Variants in ZNF385D observed in about 807,000 individuals in gnomAD.
ZNF385D encodes zinc finger protein 385D, also known as zinc finger protein 659.
ZNF385D carries 15 observed loss-of-function variants against 35.8 expected under a neutral mutation model. The ratio of observed to expected loss-of-function variants is 0.42; its 90% CI spans 0.28 to 0.64. The LOEUF (loss-of-function observed/expected upper bound fraction) is 0.64, where lower values mean the gene tolerates loss of function less well. Ranked by LOEUF, ZNF385D falls within the 30% of genes least tolerant of loss-of-function variation. ZNF385D has a pLI of 0.23. For synonymous variants in ZNF385D, 212 were observed against 186.8 expected, an observed-to-expected ratio of 1.13 and a Z score of -1.10; for missense variants, 474 against 494.6, an observed-to-expected ratio of 0.96 and a Z score of 0.39.
intron 1 of ZNF385D, among the ~76,000 whole-genome samples, chr3:21,688,763 A>C (rs553400324): frequency 2.6e-5 from 4 of 152,324 alleles, no homozygotes; most frequent in African/African-American, 9.6e-5. Flanking sequence ...TAATTTTTAA[A>C]ATGACACAAA....
chr3:22,153,366 C>T (rs1032190922), intron 3 of ZNF385D, among the ~76,000 whole-genome samples: 8 of 152,036 alleles, frequency 5.3e-5, no homozygotes, highest in Non-Finnish European at 1.2e-4. Flanking sequence ...GTAACATCAT[C>T]AGGCAAACTC....
intron 3 of ZNF385D, among the ~76,000 whole-genome samples, chr3:21,836,342 CT>C (rs1188244730): frequency 2.0e-5 from 3 of 152,124 alleles, no homozygotes; most frequent in African/African-American, 7.2e-5. Flanking sequence ...CTCTCTTCCC[CT>C]CATCTCTTAC....
chr3:21,878,316 A>C (rs993991167), intron 3 of ZNF385D, among the ~76,000 whole-genome samples: 6 of 151,980 alleles, frequency 3.9e-5, no homozygotes, highest in Non-Finnish European at 2.9e-5. Flanking sequence ...ACTATGAGAT[A>C]TTGTCTCATG....
At chr3:21,612,772 C>T (rs1344026386) in intron 2 of ZNF385D, among the ~76,000 whole-genome samples, 1 of 152,086 alleles carries the variant, frequency 6.6e-6, no homozygotes, top group Admixed American at 6.6e-5. Context: ...ATAATCTAAA[C>T]CTCAATTTTT....
chr3:21,630,887 T>A (rs1227379500), intron 2 of ZNF385D, among the ~76,000 whole-genome samples: 1 of 151,910 alleles, frequency 6.6e-6, no homozygotes, highest in African/African-American at 2.4e-5. Context: ...AAAGAAGAGG[T>A]AGGGGGAATT....
chr3:22,076,787 T>A (rs1391196518), intron 3 of ZNF385D, among the ~76,000 whole-genome samples: 1 of 149,184 alleles, frequency 6.7e-6, no homozygotes. Flanking sequence ...ATATAGTGAC[T>A]TATTCTTGGA....
At chr3:22,047,066 G>C (rs1293881607) in intron 3 of ZNF385D, among the ~76,000 whole-genome samples, 1 of 152,044 alleles carries the variant, frequency 6.6e-6, no homozygotes, top group East Asian at 1.9e-4. Context: ...ACAAATAACA[G>C]TTCACCTGAT....
chr3:22,023,445 A>C (rs1419066209), intron 3 of ZNF385D, among the ~76,000 whole-genome samples: 1 of 152,162 alleles, frequency 6.6e-6, no homozygotes, highest in African/African-American at 2.4e-5. Context: ...AAAAAGGATC[A>C]CACTGAGAAA....
At chr3:21,809,035 C>T (rs1487368167) in intron 3 of ZNF385D, among the ~76,000 whole-genome samples, 1 of 152,056 alleles carries the variant, frequency 6.6e-6, no homozygotes, top group African/African-American at 2.4e-5. Context: ...AGTCTTATAA[C>T]ATAAAATATA....
intron 3 of ZNF385D, 104 bp from the exon 4 acceptor site, chr3:21,511,127 C>A (rs563490985): frequency 7.0e-6 from 10 of 1,419,222 alleles, no homozygotes; most frequent in Non-Finnish European, 6.7e-6. Flanking sequence ...AGGTACCATT[C>A]GAGCTAATTC....
At chr3:22,272,186 C>T (rs377068123) in intron 2 of ZNF385D, among the ~76,000 whole-genome samples, 8 of 152,024 alleles carry the variant, frequency 5.3e-5, no homozygotes, top group African/African-American at 1.9e-4. Context: ...AATAACGACG[C>T]CACGAGGGCT....
intron 3 of ZNF385D, among the ~76,000 whole-genome samples, chr3:21,803,871 T>G (rs140799938): frequency 2.0e-5 from 3 of 152,312 alleles, no homozygotes; most frequent in African/African-American, 4.8e-5. Flanking sequence ...ATGGGATAAT[T>G]AATCATTGCT....
chr3:21,443,690 T>A (rs904215043), intron 4 of ZNF385D, among the ~76,000 whole-genome samples: 1 of 152,196 alleles, frequency 6.6e-6, no homozygotes, highest in Non-Finnish European at 1.5e-5. Flanking sequence ...CATATACTTT[T>A]CATCAAGTGA....
chr3:22,134,845 G>A (rs141519716), intron 3 of ZNF385D, among the ~76,000 whole-genome samples: 1 of 152,180 alleles, frequency 6.6e-6, no homozygotes, highest in Non-Finnish European at 1.5e-5. Context: ...ACTTTTATAA[G>A]GTACCCACTC....
At chr3:22,045,215 T>G (rs776609255) in intron 3 of ZNF385D, among the ~76,000 whole-genome samples, 1 of 152,180 alleles carries the variant, frequency 6.6e-6, no homozygotes, top group African/African-American at 2.4e-5. Context: ...CTAGTAGTTT[T>G]ATAGATCCAG....
intron 3 of ZNF385D, among the ~76,000 whole-genome samples, chr3:21,540,383 C>T (rs867301995): frequency 5.3e-5 from 8 of 152,098 alleles, no homozygotes; most frequent in African/African-American, 1.7e-4. Context: ...CTTTTCCCCT[C>T]GGGGGATGAT....
Position 21,798,895 on chromosome 3 carries a change from A to G in ZNF385D, c.326-133867T>C, listed in dbSNP as rs143589056. ...ACAATGTTGTGCAATAATAACGTCT[A>G]TATAGTTAAAAAATATTTTCATCCT... On this transcript the variant is annotated intron_variant, in intron 3 of 5. Coordinates refer to the ZNF385D transcript ENST00000494108. 1.6e-3 allele frequency among the ~76,000 whole-genome samples: 242 copies of G among 152,314 alleles called. 1 individual carries two copies. The highest frequency in any genetic ancestry group is 5.5e-3 in the African/African-American group (228 of 41,580).
At chr3:22,025,746 T>G (rs1326841669) in intron 3 of ZNF385D, among the ~76,000 whole-genome samples, 1 of 151,922 alleles carries the variant, frequency 6.6e-6, no homozygotes, top group African/African-American at 2.4e-5. Context: ...GATGGTGGAG[T>G]GGGTTAATCG....
rs1034430731 is a variant in ZNF385D, at chr3:21,646,121, A to G, written c.165+18765T>C. On this transcript the variant is annotated intron_variant, in intron 2 of 7. Coordinates refer to ENST00000281523, the MANE Select transcript of ZNF385D (RefSeq NM_024697.3). The surrounding 1 kb of genome is among the most constrained non-coding windows in gnomAD (Gnocchi z 4.3). ...AGATAAGTTTTTTTTAAAGAAAGAA[A>G]ACCTCAGGGAAATTTTTAAAAACTA... Among the ~76,000 whole-genome samples the G allele has an allele frequency of 1.1e-4, 17 of 152,304 alleles. No individual in the cohort carries two copies. Among genetic ancestry groups the G allele is most frequent in the African/African-American group, 4.1e-4 (17 of 41,582 alleles).
Sources: allele counts gnomAD v4.1 joint callset (sites outside exome capture counted in the v4.1 genomes callset), GRCh38; gene constraint gnomAD v4.1.1; non-coding constraint Gnocchi (gnomAD v3.1); transcripts MANE v1.5; gene names NCBI Gene and HGNC (gene_info 2026-07-23, HGNC 2026-07-21).